Variants in CIMIP2A observed in about 807,000 individuals in gnomAD.
CIMIP2A encodes ciliary microtubule inner protein 2A.
chr9:137,253,941 C>T, the CIMIP2A span, among the ~76,000 whole-genome samples: 1 of 152,212 alleles, frequency 6.6e-6, no homozygotes, highest in African/African-American at 2.4e-5. Flanking sequence ...GCCCAGGGCC[C>T]TGCAGACTCC....
chr9:137,244,984 G>A, the CIMIP2A span: 8 of 1,607,180 alleles, frequency 5.0e-6, no homozygotes, highest in Non-Finnish European at 6.8e-6. Context: ...CTGTTCTGGA[G>A]CAGGAAAAGT....
chr9:137,252,650 A>G, the CIMIP2A span: 1 of 1,535,246 alleles, frequency 6.5e-7, no homozygotes, highest in Non-Finnish European at 8.8e-7. Context: ...CCCGTCTCCT[A>G]CCCCCTCGCA....
the CIMIP2A span, chr9:137,253,128 C>T: frequency 6.3e-7 from 1 of 1,575,636 alleles, no homozygotes. Flanking sequence ...GAACCCCTGG[C>T]CCAGCCGCCT....
At chr9:137,245,171 C>T in the CIMIP2A span, 17 of 1,574,856 alleles carry the variant, frequency 1.1e-5, no homozygotes, top group Admixed American at 1.9e-4. Context: ...GCGTCTCCTG[C>T]TGGCGGCGGG....
the CIMIP2A span, chr9:137,251,924 C>T: frequency 2.5e-6 from 4 of 1,599,692 alleles, no homozygotes; most frequent in Middle Eastern, 1.7e-4. Context: ...CACCCCACCC[C>T]CAAGCTGGTC....
At chr9:137,251,092 G>A in the CIMIP2A span, 1 of 595,834 alleles carries the variant, frequency 1.7e-6, no homozygotes, top group Non-Finnish European at 3.0e-6. Flanking sequence ...ACCGGGGCAG[G>A]CTGGGGGTCC....
chr9:137,245,246 G>A, the CIMIP2A span: 32 of 1,572,616 alleles, frequency 2.0e-5, no homozygotes, highest in Admixed American at 3.2e-4. Flanking sequence ...CGGAGGTCAC[G>A]GTGCAGCTCC....
the CIMIP2A span, chr9:137,251,811 A>T: frequency 6.2e-7 from 1 of 1,602,084 alleles, no homozygotes; most frequent in Admixed American, 1.7e-5. Flanking sequence ...CCCAAAGATG[A>T]AGGAGATCCC....
the CIMIP2A span, chr9:137,252,654 C>T: frequency 1.2e-5 from 19 of 1,538,946 alleles, no homozygotes; most frequent in Non-Finnish European, 1.7e-5. Context: ...TCTCCTACCC[C>T]CTCGCAGTGG....
the CIMIP2A span, chr9:137,251,050 T>C: frequency 3.5e-5 from 18 of 518,920 alleles, no homozygotes; most frequent in East Asian, 5.7e-4. Flanking sequence ...GCTGGAAAGG[T>C]TGCGGGGAGG....
chr9:137,254,116 C>G, the CIMIP2A span, among the ~76,000 whole-genome samples: 2 of 152,234 alleles, frequency 1.3e-5, no homozygotes, highest in Non-Finnish European at 2.9e-5. Context: ...CCGCACCTCC[C>G]CAGGTCCTCC....
the CIMIP2A span, chr9:137,243,704 A>C: frequency 6.2e-7 from 1 of 1,614,076 alleles, no homozygotes; most frequent in South Asian, 1.1e-5. Context: ...GCATTTTCAT[A>C]GTGTGTGGTT....
At chr9:137,243,774 AGTT>A in the CIMIP2A span, 2 of 1,613,994 alleles carry the variant, frequency 1.2e-6, no homozygotes, top group Non-Finnish European at 1.7e-6. Context: ...GTCAGGGCGT[AGTT>A]GTCCTGCATG....
the CIMIP2A span, among the ~76,000 whole-genome samples, chr9:137,249,045 A>G: frequency 1.3e-5 from 2 of 151,482 alleles, no homozygotes; most frequent in Middle Eastern, 3.2e-3. Flanking sequence ...TTTAGTAGAG[A>G]CAGGGTTTCA....
chr9:137,252,102 C>T, the CIMIP2A span: 31 of 1,612,426 alleles, frequency 1.9e-5, no homozygotes, highest in Non-Finnish European at 2.5e-5. Flanking sequence ...CCCACACCCC[C>T]ACTACAGCAT....
the CIMIP2A span, among the ~76,000 whole-genome samples, chr9:137,249,744 G>T: frequency 1.3e-5 from 2 of 152,228 alleles, no homozygotes; most frequent in Non-Finnish European, 2.9e-5. Context: ...GCGGCAACTA[G>T]CGAGGACATG....
the CIMIP2A span, chr9:137,251,840 G>C: frequency 6.2e-7 from 1 of 1,607,552 alleles, no homozygotes; most frequent in South Asian, 1.1e-5. Context: ...TCAGGTTACA[G>C]ACGGGCACCC....
At chr9:137,252,097 A>AC in the CIMIP2A span, 1 of 1,611,518 alleles carries the variant, frequency 6.2e-7, no homozygotes, top group Non-Finnish European at 8.5e-7. Context: ...TCCTCCCCAC[A>AC]CCCCCACTAC....
At chr9:137,244,340 T>C in the CIMIP2A span, 2 of 1,597,386 alleles carry the variant, frequency 1.3e-6, no homozygotes, top group Non-Finnish European at 1.7e-6. Flanking sequence ...GGCAAACAGA[T>C]AGTCAAGTTG....
Sources: allele counts gnomAD v4.1 joint callset (sites outside exome capture counted in the v4.1 genomes callset), GRCh38; gene constraint gnomAD v4.1.1; transcripts MANE v1.5; gene names NCBI Gene and HGNC (gene_info 2026-07-23, HGNC 2026-07-21).